The following GTF2I variants were observed in gnomAD, a reference collection of about 807,000 sequenced individuals.
GTF2I encodes the protein general transcription factor II-I.
A neutral mutation model predicts 67.6 loss-of-function variants in GTF2I; 12 were observed. The ratio of observed to expected loss-of-function variants is 0.18; its 90% CI spans 0.11 to 0.29. The LOEUF (loss-of-function observed/expected upper bound fraction) is 0.29. Ranked by LOEUF, GTF2I falls within the 10% of genes least tolerant of loss-of-function variation. The pLI, the probability that GTF2I is intolerant of heterozygous loss-of-function variation, is 1.00. For missense variants in GTF2I, 271 were observed against 580.1 expected, an observed-to-expected ratio of 0.47 and a Z score of 5.47; for synonymous variants, 149 against 197.0, an observed-to-expected ratio of 0.76 and a Z score of 2.04.
chr7:74,663,650 A>G (rs1335031718), intron 1 of GTF2I, among the ~76,000 whole-genome samples: 3 of 152,078 alleles, frequency 2.0e-5, no homozygotes, highest in Non-Finnish European at 4.4e-5. Context: ...AAATACACCT[A>G]ATCAGTTGCT....
chr7:74,753,399 G>A (rs1795950140), intron 29 of GTF2I, among the ~76,000 whole-genome samples: 1 of 152,178 alleles, frequency 6.6e-6, no homozygotes, highest in African/African-American at 2.4e-5. Flanking sequence ...CCATCTGGCA[G>A]TGTGGCTCAC....
chr7:74,711,371 A>G (rs1554402515), intron 9 of GTF2I, among the ~76,000 whole-genome samples: 11 of 152,192 alleles, frequency 7.2e-5, no homozygotes. Context: ...TTAGAATTCA[A>G]TCCCAGGTTC....
intron 1 of GTF2I, among the ~76,000 whole-genome samples, chr7:74,686,895 GT>G (rs199811559): frequency 1.1e-3 from 152 of 142,236 alleles, no homozygotes; most frequent in African/African-American, 1.9e-3. Context: ...TTTTGTTTTT[GT>G]TTTTTTTTTT....
chr7:74,677,796 A>G (rs1806038411), intron 1 of GTF2I, among the ~76,000 whole-genome samples: 1 of 148,170 alleles, frequency 6.7e-6, no homozygotes, highest in African/African-American at 2.5e-5. Flanking sequence ...AAAAAAAAAA[A>G]GTAAATTTGG....
chr7:74,718,069 T>C (rs1554403952), intron 11 of GTF2I, among the ~76,000 whole-genome samples: 1 of 152,214 alleles, frequency 6.6e-6, no homozygotes, highest in African/African-American at 2.4e-5. Flanking sequence ...CGAGGGCTCA[T>C]TGGGCAGTAC....
At chr7:74,731,699 C>G (rs1397941766) in intron 14 of GTF2I, among the ~76,000 whole-genome samples, 1 of 150,476 alleles carries the variant, frequency 6.6e-6, no homozygotes, top group African/African-American at 2.4e-5. Context: ...TGCCCGCCAC[C>G]ATGCCCAGCT....
At chr7:74,725,972 G>A (rs1793725573) in intron 12 of GTF2I, among the ~76,000 whole-genome samples, 1 of 151,854 alleles carries the variant, frequency 6.6e-6, no homozygotes. Flanking sequence ...AGGAAAACCT[G>A]TCTTCCCTTC....
chr7:74,703,929 G>A (rs1554400542), intron 6 of GTF2I, among the ~76,000 whole-genome samples: 2 of 152,164 alleles, frequency 1.3e-5, no homozygotes, highest in African/African-American at 4.8e-5. Context: ...AGATATCCTT[G>A]TTATCTTTGT....
intron 1 of GTF2I, among the ~76,000 whole-genome samples, chr7:74,688,612 G>A (rs1046564692): frequency 4.7e-4 from 71 of 152,048 alleles, no homozygotes; most frequent in African/African-American, 1.6e-3. Flanking sequence ...ATGAGCCATC[G>A]TGCCTGGCCA....
At chr7:74,717,611 A>C (rs969980929) in intron 11 of GTF2I, among the ~76,000 whole-genome samples, 3 of 152,226 alleles carry the variant, frequency 2.0e-5, no homozygotes, top group Admixed American at 6.6e-5. Context: ...CTGGTAAGGT[A>C]ACTGAATCTT....
chr7:74,711,949 CTT>C (rs587731254), intron 9 of GTF2I, among the ~76,000 whole-genome samples: 16 of 134,084 alleles, frequency 1.2e-4, no homozygotes, highest in Non-Finnish European at 1.6e-4. Flanking sequence ...TCATTTCTCT[CTT>C]TTTTTTTTTT....
intron 1 of GTF2I, among the ~76,000 whole-genome samples, chr7:74,663,895 T>C (rs1584060397): frequency 6.6e-6 from 1 of 152,252 alleles, no homozygotes; most frequent in East Asian, 1.9e-4. Context: ...AGTGGCGTGA[T>C]CTTGGCTCAC....
chr7:74,668,196 T>TG (rs71094801), intron 1 of GTF2I, among the ~76,000 whole-genome samples: 1 of 144,990 alleles, frequency 6.9e-6, no homozygotes, highest in Non-Finnish European at 1.5e-5. Context: ...TTTTTTTTTT[T>TG]GAGACAGGGT....
At chr7:74,706,068 C>T (rs1280413045) in intron 7 of GTF2I, among the ~76,000 whole-genome samples, 5 of 150,406 alleles carry the variant, frequency 3.3e-5, no homozygotes, top group East Asian at 1.9e-4. Flanking sequence ...TTCAGGTGAG[C>T]GCCACCACGC....
intron 12 of GTF2I, chr7:74,727,106 TTC>T (rs1328642392): frequency 9.9e-5 from 15 of 152,218 alleles, no homozygotes; most frequent in Admixed American, 9.8e-4. Context: ...ACAAAAGCAC[TTC>T]TGTCTTTCTA....
chr7:74,697,119 C>T (rs993931629), intron 3 of GTF2I, among the ~76,000 whole-genome samples: 7 of 151,746 alleles, frequency 4.6e-5, no homozygotes, highest in Middle Eastern at 6.4e-3. Flanking sequence ...ATTAATGGGC[C>T]GGGTGTGGTG....
chr7:74,670,080 T>G (rs1050794519), intron 1 of GTF2I, among the ~76,000 whole-genome samples: 1 of 152,224 alleles, frequency 6.6e-6, no homozygotes, highest in Non-Finnish European at 1.5e-5. Context: ...TTGGTGAGTT[T>G]TTATGTAAAT....
At chr7:74,730,954 G>A (rs868949910) in intron 14 of GTF2I, among the ~76,000 whole-genome samples, 94 of 127,644 alleles carry the variant, frequency 7.4e-4, no homozygotes, top group Middle Eastern at 7.5e-3. Flanking sequence ...TGATCCTCCC[G>A]CCTTGGCCTC....
At chr7:74,687,411 C>T (rs1200440195) in intron 1 of GTF2I, 12 of 167,522 alleles carry the variant, frequency 7.2e-5, no homozygotes, top group Admixed American at 6.6e-4. Context: ...TTAATAGAGA[C>T]AGGGTTTCAC....
Sources: allele counts gnomAD v4.1 joint callset (sites outside exome capture counted in the v4.1 genomes callset), GRCh38; gene constraint gnomAD v4.1.1; transcripts MANE v1.5; gene names NCBI Gene and HGNC (gene_info 2026-07-23, HGNC 2026-07-21).